The following CAMKK2 variants were observed in gnomAD, a reference collection of about 807,000 sequenced individuals.
CAMKK2 encodes calcium/calmodulin dependent protein kinase kinase 2.
A neutral mutation model predicts 67.2 loss-of-function variants in CAMKK2; 30 were observed. The observed-to-expected ratio is 0.45, with a 90% confidence interval of 0.33 to 0.61. The LOEUF is 0.61. Ranked by LOEUF, CAMKK2 falls within the 20% of genes least tolerant of loss-of-function variation. The probability of loss-of-function intolerance (pLI) is 0.02; values close to 1 mark genes in which losing one functional copy is unlikely to be tolerated. For synonymous variants in CAMKK2, 322 were observed against 326.2 expected (o/e 0.99, Z 0.14); for missense variants, 643 against 802.0 (o/e 0.80, Z 2.39).
chr12:121,285,795 G>A lies in CAMKK2; in HGVS notation c.-60+10843C>T, dbSNP rs1898631087. On this transcript the variant is annotated intron_variant, in intron 1 of 16. Coordinates refer to ENST00000404169, the MANE Select transcript of CAMKK2 (RefSeq NM_001270485.2). This position sits in a 1 kb window ranked among gnomAD's most constrained non-coding sequence, Gnocchi z 4.1. ...CCACCGCACTCTAGCCTGGGTGACA[G>A]AGCGAGACCCTGTCTCAAAAAAGAG... 6.6e-6 allele frequency among the ~76,000 whole-genome samples: 1 copy of A among 152,200 alleles called. No homozygotes were observed.
In CAMKK2 at chr12:121,240,633, G is replaced by A. The variant is rs1888176808; in HGVS notation, c.*66C>T. ...GGTTTCCGTAGGACATGCTGCTATG[G>A]AAACGCGGTGCAGCAGCCCCCCAGA... On this transcript the variant is annotated 3_prime_UTR_variant, in exon 17 of 17. Transcript: ENST00000404169. The surrounding 1 kb of genome is among the most constrained non-coding windows in gnomAD (Gnocchi z 4.4). 3.9e-6 allele frequency: 6 copies of A among 1,537,176 alleles called. No homozygotes were observed. Among genetic ancestry groups the A allele is most frequent in the Non-Finnish European group, 5.2e-6 (6 of 1,147,724 alleles).
At chr12:121,262,295 G>T (rs912705433) in intron 6 of CAMKK2, among the ~76,000 whole-genome samples, 12 of 152,184 alleles carry the variant, frequency 7.9e-5, no homozygotes, top group Admixed American at 7.2e-4. Flanking sequence ...GCTGGATCAC[G>T]AGTTCAGGAG....
chr12:121,260,180 C>A (rs549414986), intron 7 of CAMKK2, 139 bp downstream of exon 7: 3 of 688,270 alleles, frequency 4.4e-6, no homozygotes, highest in Non-Finnish European at 7.3e-6. Context: ...GTGTGGCCTC[C>A]GGTGGGGCCA....
chr12:121,252,681 A>G lies in CAMKK2; in HGVS notation c.1141T>C (p.Tyr381His). Residue 381 changes from tyrosine to histidine, a missense_variant, in exon 11 of 17, where the codon TAC (tyrosine) becomes CAC (histidine). Physicochemically the swap from Tyr to His is moderately conservative, Grantham distance 83 (BLOSUM62 2). This residue lies in a region of CAMKK2 where 483 missense variants were observed against 625.8 expected (regional missense o/e 0.77). Coordinates refer to ENST00000404169, the MANE Select transcript of CAMKK2 (RefSeq NM_001270485.2). ...LDVWAMGVTL[Y>H]CFVFGQCPFM... is the part of the protein sequence containing the mutation. ...CTTACCTGGCCAAAGACAAAGCAGT[A>G]TAGTGTCACACCCATGGCCCAAACA... 2 of 1,614,242 alleles carry G rather than the reference A, an allele frequency of 1.2e-6. No homozygotes were observed. The highest frequency in any genetic ancestry group is 1.7e-6 in the Non-Finnish European group (2 of 1,180,018).
intron 2 of CAMKK2, among the ~76,000 whole-genome samples, chr12:121,271,956 C>T (rs1485887240): frequency 3.3e-5 from 5 of 152,112 alleles, no homozygotes; most frequent in African/African-American, 1.2e-4. Flanking sequence ...GTTATCCTCC[C>T]GCCTTGGCCT....
chr12:121,265,961 A>G (rs992798750), intron 5 of CAMKK2, among the ~76,000 whole-genome samples: 1 of 152,154 alleles, frequency 6.6e-6, no homozygotes, highest in Non-Finnish European at 1.5e-5. Context: ...GTTTTGAGAC[A>G]GGGTCTGTCT....
At chr12:121,263,966 G>T in intron 5 of CAMKK2, 27 bp from the exon 6 acceptor site, 1 of 1,559,590 alleles carries the variant, frequency 6.4e-7, no homozygotes, top group Non-Finnish European at 8.7e-7. Flanking sequence ...CAGACCCAGG[G>T]TCAGGGCAAA....
intron 6 of CAMKK2, among the ~76,000 whole-genome samples, chr12:121,262,042 A>G (rs1379349968): frequency 6.6e-6 from 1 of 152,212 alleles, no homozygotes; most frequent in Non-Finnish European, 1.5e-5. Context: ...CTTTTTGACT[A>G]TCATTCTCCA....
chr12:121,276,325 G>A (rs1451631771), intron 1 of CAMKK2, among the ~76,000 whole-genome samples: 4 of 147,514 alleles, frequency 2.7e-5, no homozygotes, highest in African/African-American at 1.0e-4. Context: ...AAAATTACCT[G>A]GGCATGGTGG....
intron 5 of CAMKK2, 112 bp from the exon 6 acceptor site, chr12:121,264,051 C>T: frequency 2.0e-6 from 2 of 1,013,080 alleles, no homozygotes; most frequent in Non-Finnish European, 2.7e-6. Context: ...CTCTGCAGGG[C>T]TGGAGTGGCT....
chr12:121,283,364 C>T (rs1898152992), intron 1 of CAMKK2, among the ~76,000 whole-genome samples: 1 of 152,178 alleles, frequency 6.6e-6, no homozygotes, highest in South Asian at 2.1e-4. Flanking sequence ...ACTGAAACAA[C>T]TGAGTCCGCA....
intron 1 of CAMKK2, among the ~76,000 whole-genome samples, chr12:121,283,124 A>G (rs1593479227): frequency 6.6e-6 from 1 of 151,936 alleles, no homozygotes; most frequent in African/African-American, 2.4e-5. Context: ...ATAATACAGC[A>G]CCCCACCCAA....
rs199546070 is a variant in CAMKK2 at position 121,255,816 on chromosome 12, A to G, written c.797-12T>C. On this transcript the variant is annotated splice_polypyrimidine_tract_variant and intron_variant, in intron 7 of 16. Coordinates refer to ENST00000404169, the MANE Select transcript of CAMKK2 (RefSeq NM_001270485.2). ...GACCAGTTCGAACACTGTAGGGAAG[A>G]AAAGGGTGAAACTGTTACATGGGAA... The G allele has an allele frequency of 7.4e-6, 12 of 1,613,240 alleles. No homozygotes were observed. The highest frequency in any genetic ancestry group is 3.3e-4 in the Middle Eastern group (2 of 6,062).
At chr12:121,255,515 C>G (rs1892076156) in intron 9 of CAMKK2, 35 bp downstream of exon 9, 3 of 1,551,440 alleles carry the variant, frequency 1.9e-6, no homozygotes, top group Non-Finnish European at 2.6e-6. Context: ...GCTAACTACC[C>G]ACTGGGTGAG....
chr12:121,242,536 C>T (rs958671182), intron 16 of CAMKK2, among the ~76,000 whole-genome samples: 1 of 152,168 alleles, frequency 6.6e-6, no homozygotes, highest in African/African-American at 2.4e-5. Context: ...GGCGGGGCTG[C>T]CCAGGCGTCT....
intron 1 of CAMKK2, among the ~76,000 whole-genome samples, chr12:121,275,197 G>A (rs1896570403): frequency 6.6e-6 from 1 of 152,052 alleles, no homozygotes; most frequent in Admixed American, 6.6e-5. Context: ...AACAATGCAG[G>A]TCAGGGCTGG....
chr12:121,244,594 A>C lies in CAMKK2; in HGVS notation c.1575T>G (p.Cys525Trp), dbSNP rs753516280. ...NLLTKKPTRE[C>W]ESLSELKEAR... ...TTACCTTGAGCTCAGACAGGGACTC[A>C]CATTCCCTGGTTGGTTTTTTGCTGG... Residue 525 changes from cysteine (C) to tryptophan (W), a missense_variant, in exon 16 of 17, where the codon TGT becomes TGG. By Grantham distance (215) the Cys-to-Trp change is radical. Around this residue, in one of 3 missense-constraint regions of CAMKK2, gnomAD observed 140 missense variants for 124.2 expected, o/e 1.13. Coordinates refer to ENST00000404169, the MANE Select transcript of CAMKK2 (RefSeq NM_001270485.2). The C allele has an allele frequency of 1.9e-6, 3 of 1,564,744 alleles. No individual in the cohort carries two copies. In the Admixed American group the frequency reaches 5.7e-5, roughly 30 times the overall value.
chr12:121,244,279 C>A, intron 16 of CAMKK2: 1 of 793,852 alleles, frequency 1.3e-6, no homozygotes, highest in African/African-American at 1.7e-5. Flanking sequence ...TTGACGTGCA[C>A]TGAGAAGACA....
chr12:121,262,511 C>CA (rs1252744350), intron 6 of CAMKK2, among the ~76,000 whole-genome samples: 1,874 of 138,170 alleles, frequency 0.014, 37 homozygotes, highest in African/African-American at 0.042. Flanking sequence ...GACTCCGTCT[C>CA]AAAAAAAAAA....
Sources: gnomAD v4.1 joint callset for allele counts (sites outside exome capture counted in the v4.1 genomes callset) on GRCh38, gnomAD v4.1.1 for gene constraint, gnomAD v4.1.1 regional missense constraint, Gnocchi (gnomAD v3.1) non-coding constraint, MANE v1.5 for transcripts, NCBI Gene and HGNC (gene_info 2026-07-23, HGNC 2026-07-21) for gene names.